Variants in BABAM2 observed in about 807,000 individuals in gnomAD.
The protein encoded by BABAM2 is BRISC and BRCA1 A complex member 2, also known as BRISC and BRCA1-A complex member 2.
A neutral mutation model predicts 54.7 loss-of-function variants in BABAM2; 31 were observed. That is an observed-to-expected ratio of 0.57 (90% CI 0.43 to 0.77). The LOEUF (loss-of-function observed/expected upper bound fraction) is 0.77, where lower values mean the gene tolerates loss of function less well. Ranked by LOEUF, BABAM2 falls within the 30% of genes least tolerant of loss-of-function variation. BABAM2 has a pLI of 0.00. For synonymous variants in BABAM2, 167 were observed against 162.9 expected (o/e 1.03, Z -0.19); for missense variants, 364 against 455.8 (o/e 0.80, Z 1.83).
chr2:28,252,145 C>T (rs1318931181), intron 10 of BABAM2, among the ~76,000 whole-genome samples: 9 of 150,498 alleles, frequency 6.0e-5, no homozygotes, highest in Non-Finnish European at 8.9e-5. Context: ...GAGAACGTGC[C>T]GTTGCACTCC....
intron 5 of BABAM2, among the ~76,000 whole-genome samples, chr2:28,042,994 A>T (rs1242829346): frequency 2.0e-5 from 3 of 151,986 alleles, no homozygotes; most frequent in African/African-American, 7.3e-5. Context: ...ACTGCACTCC[A>T]GCCTGGGGGA....
At chr2:28,297,447 A>G (rs1174746217) in intron 10 of BABAM2, among the ~76,000 whole-genome samples, 1 of 152,214 alleles carries the variant, frequency 6.6e-6, no homozygotes, top group Admixed American at 6.5e-5. Context: ...TACGTTATAT[A>G]CCTTTAAGAA....
chr2:28,248,033 T>TA (rs1320050221), intron 10 of BABAM2, among the ~76,000 whole-genome samples: 1 of 152,074 alleles, frequency 6.6e-6, no homozygotes, highest in Non-Finnish European at 1.5e-5. Flanking sequence ...CTTGGAACTG[T>TA]AGCAGGATCA....
chr2:28,258,615 C>CTTTTCTTTTTTTTTTTT (rs752905871), intron 10 of BABAM2, among the ~76,000 whole-genome samples: 3 of 100,044 alleles, frequency 3.0e-5, no homozygotes, highest in African/African-American at 1.1e-4. Context: ...TTTTTCTTTT[C>CTTTTCTTTTTTTTTTTT]TTTTTTTTTT....
intron 4 of BABAM2, among the ~76,000 whole-genome samples, chr2:28,002,476 A>G (rs1464786763): frequency 6.6e-6 from 1 of 152,110 alleles, no homozygotes; most frequent in Non-Finnish European, 1.5e-5. Context: ...TTGTCCATAT[A>G]TTTGTTATAT....
At chr2:28,149,966 C>A (rs1430516228) in intron 7 of BABAM2, among the ~76,000 whole-genome samples, 25 of 152,232 alleles carry the variant, frequency 1.6e-4, no homozygotes, top group African/African-American at 5.8e-4. Flanking sequence ...TACATAGTAT[C>A]TTTTCATCAG....
At chr2:28,281,282 C>T (rs1052188185) in intron 10 of BABAM2, among the ~76,000 whole-genome samples, 7 of 152,084 alleles carry the variant, frequency 4.6e-5, no homozygotes, top group Admixed American at 2.6e-4. Flanking sequence ...CTGGCCTCCA[C>T]GTGTAGGACA....
intron 6 of BABAM2, among the ~76,000 whole-genome samples, chr2:28,064,374 C>T (rs529348169): frequency 9.9e-5 from 15 of 152,268 alleles, no homozygotes; most frequent in South Asian, 6.2e-4. Context: ...TAAACAATTA[C>T]GTCATTAAAG....
chr2:28,327,822 G>A (rs1023126380), intron 11 of BABAM2, among the ~76,000 whole-genome samples: 4 of 152,170 alleles, frequency 2.6e-5, no homozygotes, highest in African/African-American at 9.6e-5. Context: ...TGCATCTCAA[G>A]TTTGTTAATT....
rs572577410 is a variant in BABAM2 at position 27,972,114 on chromosome 2, A to G, written c.206-15879A>G. Among the ~76,000 whole-genome samples, 12 of 152,314 alleles carry G rather than the reference A, an allele frequency of 7.9e-5. No individual in the cohort carries two copies. The South Asian group carries it at 1.9e-3, about 24-fold the overall frequency. ...AATTAGTCTAATTTTCTAAGAATCAACAACATGTATATTATCTCTGATACA... is the reference window on the plus strand; with the variant it reads ...AATTAGTCTAATTTTCTAAGAATCAGCAACATGTATATTATCTCTGATACA... On this transcript the variant is annotated intron_variant, in intron 3 of 11. Transcript: ENST00000379624.
At chr2:27,951,112 C>A (rs1669688091) in intron 3 of BABAM2, among the ~76,000 whole-genome samples, 2 of 152,100 alleles carry the variant, frequency 1.3e-5, no homozygotes, top group Admixed American at 1.3e-4. Context: ...GAAGAACCAG[C>A]TTTTGGTTTC....
intron 6 of BABAM2, among the ~76,000 whole-genome samples, chr2:28,090,830 C>T (rs1311421632): frequency 6.6e-6 from 1 of 152,166 alleles, no homozygotes; most frequent in Non-Finnish European, 1.5e-5. Context: ...CCAGATCTGC[C>T]ATTTGCTGTT....
chr2:27,966,774 A>G (rs1670873400), intron 3 of BABAM2, among the ~76,000 whole-genome samples: 1 of 152,232 alleles, frequency 6.6e-6, no homozygotes, highest in Non-Finnish European at 1.5e-5. Context: ...AATTTGGTAC[A>G]TCAAGCAGCT....
chr2:28,296,071 T>G (rs1291083526), intron 10 of BABAM2, among the ~76,000 whole-genome samples: 1 of 152,138 alleles, frequency 6.6e-6, no homozygotes, highest in East Asian at 1.9e-4. Flanking sequence ...ATCGTGCCAT[T>G]GCACTCCATC....
chr2:28,061,476 T>G (rs1380142690), intron 6 of BABAM2, among the ~76,000 whole-genome samples: 1 of 150,496 alleles, frequency 6.6e-6, no homozygotes, highest in Non-Finnish European at 1.5e-5. Flanking sequence ...TCCCAGCTAC[T>G]CGGGAGGCTG....
intron 6 of BABAM2, among the ~76,000 whole-genome samples, chr2:28,076,139 G>T (rs1273211451): frequency 6.6e-6 from 1 of 151,964 alleles, no homozygotes; most frequent in African/African-American, 2.4e-5. Context: ...ACTGGGCATG[G>T]TGGCATGCAC....
At chr2:28,184,364 A>G (rs1246135592) in intron 7 of BABAM2, among the ~76,000 whole-genome samples, 3 of 145,664 alleles carry the variant, frequency 2.1e-5, no homozygotes, top group Admixed American at 7.2e-5. Flanking sequence ...GTTCTAGGGT[A>G]CATGTGCACA....
chr2:28,209,978 T>G (rs1386761447), intron 7 of BABAM2, among the ~76,000 whole-genome samples: 1 of 152,210 alleles, frequency 6.6e-6, no homozygotes, highest in Non-Finnish European at 1.5e-5. Context: ...TCACATACTC[T>G]TAACTGTTCT....
intron 3 of BABAM2, among the ~76,000 whole-genome samples, chr2:27,976,051 T>C (rs1671579432): frequency 6.6e-6 from 1 of 152,070 alleles, no homozygotes; most frequent in Admixed American, 6.5e-5. Flanking sequence ...ATAACAAAAT[T>C]GACCATATTA....
Sources: gnomAD v4.1 joint callset for allele counts (sites outside exome capture counted in the v4.1 genomes callset) on GRCh38, gnomAD v4.1.1 for gene constraint, MANE v1.5 for transcripts, NCBI Gene and HGNC (gene_info 2026-07-23, HGNC 2026-07-21) for gene names.